Variants in SMG6 observed in about 807,000 individuals in gnomAD.
The protein encoded by SMG6 is telomerase-binding protein EST1A.
Under a neutral mutation model 142.2 loss-of-function variants are expected in SMG6, and 66 were observed. That is an observed-to-expected ratio of 0.46 (90% CI 0.38 to 0.57). SMG6 has a LOEUF of 0.57. Among genes scored for constraint, SMG6 ranks in the 20% least tolerant of loss-of-function variants. The pLI is 0.00. For synonymous variants in SMG6, 779 were observed against 702.4 expected, an observed-to-expected ratio of 1.11 and a Z score of -1.72; for missense variants, 1,793 against 1,832.0, an observed-to-expected ratio of 0.98 and a Z score of 0.39.
At chr17:2,185,338 G>A (rs1237665724) in intron 12 of SMG6, among the ~76,000 whole-genome samples, 1 of 151,866 alleles carries the variant, frequency 6.6e-6, no homozygotes, top group Non-Finnish European at 1.5e-5. Flanking sequence ...CAGACAAATG[G>A]ACCTAGACAA....
chr17:2,287,568 C>T (rs146136167), intron 6 of SMG6, among the ~76,000 whole-genome samples: 2 of 152,178 alleles, frequency 1.3e-5, no homozygotes, highest in Admixed American at 6.5e-5. Context: ...GAATTGGAAG[C>T]AGGGTCTTGA....
At chr17:2,294,481 T>C (rs912151565) in intron 4 of SMG6, among the ~76,000 whole-genome samples, 5 of 152,228 alleles carry the variant, frequency 3.3e-5, no homozygotes, top group African/African-American at 1.2e-4. Context: ...GGTCACTTTC[T>C]GTACCTCAGT....
chr17:2,295,996 T>C (rs1049555413), intron 4 of SMG6, among the ~76,000 whole-genome samples: 10 of 152,142 alleles, frequency 6.6e-5, no homozygotes, highest in African/African-American at 2.4e-4. Flanking sequence ...ACCTCTATCT[T>C]AGTTCAGACC....
chr17:2,123,481 T>C (rs1378440801), intron 13 of SMG6, among the ~76,000 whole-genome samples: 2 of 152,176 alleles, frequency 1.3e-5, no homozygotes, highest in East Asian at 3.8e-4. Context: ...CTGCAAACAA[T>C]TTTATTACCA....
chr17:2,070,395 G>T (rs1406379984), intron 15 of SMG6, among the ~76,000 whole-genome samples: 1 of 152,222 alleles, frequency 6.6e-6, no homozygotes. Context: ...CAGGAGGGCA[G>T]GTCCCAGCCC....
intron 10 of SMG6, among the ~76,000 whole-genome samples, chr17:2,214,591 A>G (rs1331354666): frequency 6.6e-6 from 1 of 152,126 alleles, no homozygotes; most frequent in African/African-American, 2.4e-5. Flanking sequence ...CCGGCAGTCA[A>G]CGCTGACACA....
At chr17:2,126,606 A>G (rs1442267454) in intron 13 of SMG6, among the ~76,000 whole-genome samples, 2 of 151,116 alleles carry the variant, frequency 1.3e-5, no homozygotes, top group Admixed American at 1.3e-4. Flanking sequence ...AATCTCAGCT[A>G]TTTGAAAGGC....
chr17:2,168,112 C>T (rs1273238042), intron 13 of SMG6, among the ~76,000 whole-genome samples: 1 of 152,300 alleles, frequency 6.6e-6, no homozygotes, highest in East Asian at 1.9e-4. Context: ...AAGTGCTCCT[C>T]CCACTTTGGC....
intron 10 of SMG6, among the ~76,000 whole-genome samples, chr17:2,225,217 C>T (rs988198900): frequency 2.0e-5 from 3 of 151,908 alleles, no homozygotes; most frequent in African/African-American, 7.3e-5. Context: ...GTGGCTCACA[C>T]CTGTAATCCC....
chr17:2,207,413 AC>A (rs2072721823), intron 10 of SMG6, among the ~76,000 whole-genome samples: 10 of 152,190 alleles, frequency 6.6e-5, no homozygotes, highest in Admixed American at 6.5e-4. Flanking sequence ...TGTTTAGTCA[AC>A]ATTCTGTACA....
At position 2,202,493 on chromosome 17, in the gene SMG6, A is replaced by G. The variant is rs73296782; in HGVS notation, c.2870-13978T>C. On this transcript the variant is annotated intron_variant, in intron 10 of 18. Transcript: ENST00000263073. ...CTTGAGCCCGGAAGTTCAAGGCTAC[A>G]GTGAACTAAGAACATATCACTGCTT... Among the ~76,000 whole-genome samples, 1,092 of 152,346 alleles carry G rather than the reference A, an allele frequency of 7.2e-3. 11 individuals are homozygous for G. Among genetic ancestry groups the G allele is most frequent in the Middle Eastern group, 0.027 (8 of 294 alleles).
At chr17:2,075,217 C>A (rs1018741660) in intron 15 of SMG6, among the ~76,000 whole-genome samples, 1 of 146,782 alleles carries the variant, frequency 6.8e-6, no homozygotes, top group Non-Finnish European at 1.5e-5. Flanking sequence ...CAACAGCCCC[C>A]CCTAGCTGGG....
At chr17:2,263,380 G>A (rs1469219558) in intron 8 of SMG6, among the ~76,000 whole-genome samples, 1 of 152,106 alleles carries the variant, frequency 6.6e-6, no homozygotes, top group Non-Finnish European at 1.5e-5. Flanking sequence ...AGTAAAAGCA[G>A]TACTACTAGT....
chr17:2,161,421 T>C (rs994317432), intron 13 of SMG6, among the ~76,000 whole-genome samples: 2 of 151,874 alleles, frequency 1.3e-5, no homozygotes, highest in Admixed American at 6.6e-5. Flanking sequence ...TATTTATTTT[T>C]TTTTTTGAGA....
Position 2,281,202 on chromosome 17 carries a change from G to A in SMG6, c.2661+1445C>T, listed in dbSNP as rs939487936. Among the ~76,000 whole-genome samples the A allele has an allele frequency of 3.9e-5, 6 of 152,038 alleles. No homozygotes were observed. The South Asian group carries it at 1.0e-3, about 26-fold the overall frequency. On this transcript the variant is annotated intron_variant, in intron 8 of 18. Coordinates refer to ENST00000263073, the MANE Select transcript of SMG6 (RefSeq NM_017575.5). Reference sequence around the variant, plus strand: ...GCACCTACGCTGGATCATAGCTCATGACATCCTTGAACTCCTGGACTCAAG... The same window carrying A: ...GCACCTACGCTGGATCATAGCTCATAACATCCTTGAACTCCTGGACTCAAG...
chr17:2,087,109 G>A (rs1003831954), intron 13 of SMG6: 2 of 1,290,392 alleles, frequency 1.5e-6, no homozygotes, highest in African/African-American at 1.5e-5. Context: ...ACAGGTGCAG[G>A]TGTTCTCTCT....
intron 13 of SMG6, among the ~76,000 whole-genome samples, chr17:2,098,300 A>C (rs1296171835): frequency 1.3e-5 from 2 of 151,966 alleles, no homozygotes; most frequent in African/African-American, 2.4e-5. Flanking sequence ...GTGAGCTTCT[A>C]ATCAACAAAT....
chr17:2,249,053 AT>A (rs535789657), intron 8 of SMG6, among the ~76,000 whole-genome samples: 5,183 of 144,712 alleles, frequency 0.036, 230 homozygotes, highest in African/African-American at 0.11. Context: ...CGCCCCGTTA[AT>A]TTTTTTTTTT....
chr17:2,143,688 G>T (rs576659546), intron 13 of SMG6, among the ~76,000 whole-genome samples: 2 of 152,308 alleles, frequency 1.3e-5, no homozygotes, highest in South Asian at 4.1e-4. Flanking sequence ...TGAAACAACG[G>T]AATTGTGTAC....
Sources: gnomAD v4.1 joint callset for allele counts (sites outside exome capture counted in the v4.1 genomes callset) on GRCh38, gnomAD v4.1.1 for gene constraint, MANE v1.5 for transcripts, NCBI Gene and HGNC (gene_info 2026-07-23, HGNC 2026-07-21) for gene names.